RIMBP2: variants seen among roughly 807,000 people sequenced by gnomAD.
RIMBP2 encodes the protein RIMS binding protein 2.
In RIMBP2, 48 loss-of-function variants were observed where a neutral mutation model predicts 118.6. The observed-to-expected ratio is 0.40, with a 90% confidence interval of 0.32 to 0.51. The LOEUF is 0.51. Among genes scored for constraint, RIMBP2 ranks in the 20% least tolerant of loss-of-function variants. RIMBP2 has a pLI of 0.41. For synonymous variants in RIMBP2, 762 were observed against 742.9 expected (o/e 1.03, Z -0.42); for missense variants, 1,551 against 1,768.3 (o/e 0.88, Z 2.20).
intron 22 of RIMBP2, 101 bp downstream of exon 22, chr12:130,399,578 G>A (rs373513625): frequency 2.9e-5 from 40 of 1,384,796 alleles, no homozygotes; most frequent in African/African-American, 1.6e-4. Flanking sequence ...GTGTATTTAC[G>A]CTTTTCGGCC....
At chr12:130,414,026 G>A (rs1161156845) in intron 18 of RIMBP2, 99 bp downstream of exon 18, 1 of 1,282,172 alleles carries the variant, frequency 7.8e-7, no homozygotes, top group Non-Finnish European at 1.1e-6. Context: ...TGCAGGAGAA[G>A]GCCATCTCTA....
At chr12:130,696,396 T>C (rs2065579631) in intron 1 of RIMBP2, among the ~76,000 whole-genome samples, 1 of 152,344 alleles carries the variant, frequency 6.6e-6, no homozygotes, top group African/African-American at 2.4e-5. Flanking sequence ...ATCCCTCAAG[T>C]TTGATCTAAT....
At chr12:130,531,361 C>A (rs188270623) in intron 2 of RIMBP2, among the ~76,000 whole-genome samples, 32 of 152,286 alleles carry the variant, frequency 2.1e-4, no homozygotes, top group African/African-American at 7.2e-4. Flanking sequence ...CAAAAGGTAA[C>A]CACTGTTCTG....
Position 130,497,424 on chromosome 12 carries a change from T to C in RIMBP2, c.-4+9224A>G, listed in dbSNP as rs563191435. Among the ~76,000 whole-genome samples the C allele has an allele frequency of 1.2e-3, 187 of 152,284 alleles. 2 individuals are homozygous for C. Among genetic ancestry groups the C allele is most frequent in the African/African-American group, 4.2e-3 (176 of 41,562 alleles). On this transcript the variant is annotated intron_variant, in intron 4 of 22. Coordinates refer to ENST00000690449, the MANE Select transcript of RIMBP2 (RefSeq NM_001393629.1). ...TCTGAATCTAGAAACCTTGTGAGTG[T>C]GAAGTTAAACCGTCCTTCCCTGCCA...
intron 2 of RIMBP2, among the ~76,000 whole-genome samples, chr12:130,573,168 T>C (rs560345176): frequency 1.2e-4 from 18 of 152,240 alleles, no homozygotes; most frequent in Admixed American, 5.9e-4. Context: ...AAAAAAGGTA[T>C]ATATGTATTT....
intron 2 of RIMBP2, among the ~76,000 whole-genome samples, chr12:130,573,119 G>A (rs537844183): frequency 3.0e-4 from 45 of 152,232 alleles, no homozygotes; most frequent in African/African-American, 8.9e-4. Flanking sequence ...AATCAGTGAA[G>A]CAACACTGCA....
chr12:130,553,739 G>C (rs756194407), intron 2 of RIMBP2, among the ~76,000 whole-genome samples: 11 of 152,090 alleles, frequency 7.2e-5, no homozygotes, highest in Middle Eastern at 3.2e-3. Flanking sequence ...GGGAAACCTT[G>C]TCTTGAAAAA....
rs11060987 is a variant in RIMBP2 at position 130,549,288 on chromosome 12, C to T, written c.-216-31371G>A. Among the ~76,000 whole-genome samples the T allele has an allele frequency of 1.2e-3, 176 of 152,236 alleles. 3 individuals carry two copies. In the East Asian group the frequency reaches 0.024, roughly 20 times the overall value. On this transcript the variant is annotated intron_variant, in intron 2 of 22. Coordinates refer to ENST00000690449, the MANE Select transcript of RIMBP2 (RefSeq NM_001393629.1). ...TGATGCCCATCCCGGGGGAATGATA[C>T]GACGACAGTTTTTAAATAAAGGTGA...
In RIMBP2 at chr12:130,703,623, TA is replaced by T. The variant is rs1438076544; in HGVS notation, c.-352+12598del. The stretch of plus-strand genomic sequence containing the variant: ...CCGGGCGCTTTAGCCCTCACGTGAC[TA>T]GGGGCCACCGCCTAACCCTGATTAG... On this transcript the variant is annotated intron_variant, in intron 1 of 22. Coordinates refer to ENST00000690449, the MANE Select transcript of RIMBP2 (RefSeq NM_001393629.1). This position sits in a 1 kb window ranked among gnomAD's most constrained non-coding sequence, Gnocchi z 5.7. 2.0e-5 allele frequency among the ~76,000 whole-genome samples: 3 copies of T among 152,104 alleles called. No individual in the cohort carries two copies. Among genetic ancestry groups the T allele is most frequent in the African/African-American group, 7.2e-5 (3 of 41,412 alleles).
chr12:130,631,536 G>A (rs564182397), intron 1 of RIMBP2, among the ~76,000 whole-genome samples: 11 of 152,058 alleles, frequency 7.2e-5, no homozygotes, highest in African/African-American at 2.4e-4. Flanking sequence ...TAGCACACAC[G>A]TTTCCCTGAA....
intron 14 of RIMBP2, chr12:130,432,235 C>T (rs1384771428): frequency 6.6e-6 from 3 of 456,612 alleles, no homozygotes; most frequent in Non-Finnish European, 1.3e-5. Context: ...CTTCTTCAGG[C>T]CTCGGTTCAA....
chr12:130,542,136 G>A (rs573724065), intron 2 of RIMBP2, among the ~76,000 whole-genome samples: 1 of 152,326 alleles, frequency 6.6e-6, no homozygotes, highest in African/African-American at 2.4e-5. Flanking sequence ...AAGAAGACAA[G>A]ATGAAGTAAG....
intron 2 of RIMBP2, among the ~76,000 whole-genome samples, chr12:130,605,410 C>T (rs2060124923): frequency 1.3e-5 from 2 of 152,050 alleles, no homozygotes; most frequent in African/African-American, 2.4e-5. Context: ...ATACATGAGG[C>T]GTGGCTGGAT....
chr12:130,600,274 T>C (rs1299980003), intron 2 of RIMBP2, among the ~76,000 whole-genome samples: 1 of 152,218 alleles, frequency 6.6e-6, no homozygotes, highest in African/African-American at 2.4e-5. Flanking sequence ...CCAAAGGGCA[T>C]CAGCCTAATG....
At position 130,536,863 on chromosome 12, in the gene RIMBP2, C is replaced by A. The variant is rs76588925; in HGVS notation, c.-216-18946G>T. On this transcript the variant is annotated intron_variant, in intron 2 of 22. Transcript: ENST00000690449. Reference sequence around the variant, plus strand: ...GCACCAGCAGTAAGTCACAATGATACCGTGAAGCCCCTGATATGGCATGAT... The same window carrying A: ...GCACCAGCAGTAAGTCACAATGATAACGTGAAGCCCCTGATATGGCATGAT... Among the ~76,000 whole-genome samples the A allele has an allele frequency of 1.6e-3, 238 of 152,268 alleles. 1 individual carries two copies. The highest frequency in any genetic ancestry group is 5.4e-3 in the African/African-American group (226 of 41,550).
chr12:130,637,868 A>G (rs1165007624), intron 1 of RIMBP2, among the ~76,000 whole-genome samples: 1 of 152,174 alleles, frequency 6.6e-6, no homozygotes, highest in Non-Finnish European at 1.5e-5. Flanking sequence ...GGCTTTACTG[A>G]CTTTGGTTAT....
rs906277705 is a variant in RIMBP2 at position 130,688,038 on chromosome 12, A to G, written c.-352+28184T>C. Among the ~76,000 whole-genome samples, 4 of 152,230 alleles carry G rather than the reference A, an allele frequency of 2.6e-5. No individual in the cohort carries two copies. The highest frequency in any genetic ancestry group is 2.1e-4 in the South Asian group (1 of 4,830). ...TCTCGGCCAACAGCTCAGATCAACT[A>G]TTGTTAAAATTCGTACTGTGGGAAA... On this transcript the variant is annotated intron_variant, in intron 1 of 22. Transcript: ENST00000690449. The surrounding 1 kb of genome is among the most constrained non-coding windows in gnomAD (Gnocchi z 4.7).
intron 1 of RIMBP2, among the ~76,000 whole-genome samples, chr12:130,661,920 T>C (rs897946869): frequency 1.3e-5 from 2 of 152,200 alleles, no homozygotes; most frequent in Non-Finnish European, 2.9e-5. Flanking sequence ...TGTTCCCTCT[T>C]CTCTGCACTA....
chr12:130,684,335 A>G (rs1349896495), intron 1 of RIMBP2, among the ~76,000 whole-genome samples: 1 of 152,186 alleles, frequency 6.6e-6, no homozygotes, highest in Non-Finnish European at 1.5e-5. Context: ...TATAAAACCA[A>G]GCTGCGCCCC....
Sources: allele counts gnomAD v4.1 joint callset (sites outside exome capture counted in the v4.1 genomes callset), GRCh38; gene constraint gnomAD v4.1.1; non-coding constraint Gnocchi (gnomAD v3.1); transcripts MANE v1.5; gene names NCBI Gene and HGNC (gene_info 2026-07-23, HGNC 2026-07-21).